Variants in RNF17 observed in about 807,000 individuals in gnomAD.
The protein encoded by RNF17 is ring finger protein 17.
A neutral mutation model predicts 200.5 loss-of-function variants in RNF17; 31 were observed. The ratio of observed to expected loss-of-function variants is 0.15; its 90% CI spans 0.12 to 0.21. RNF17 has a LOEUF of 0.21. Among genes scored for constraint, RNF17 ranks in the 10% least tolerant of loss-of-function variants. RNF17 has a pLI of 1.00. For missense variants in RNF17, 1,628 were observed against 1,905.1 expected (o/e 0.85, Z 2.71); for synonymous variants, 606 against 637.8 (o/e 0.95, Z 0.75).
intron 25 of RNF17, among the ~76,000 whole-genome samples, chr13:24,855,946 CT>C (rs896440886): frequency 2.2e-4 from 34 of 151,798 alleles, no homozygotes; most frequent in African/African-American, 6.8e-4. Flanking sequence ...TCATTGCTTT[CT>C]GATTCATAGT....
chr13:24,861,485 G>C, intron 27 of RNF17, 98 bp downstream of exon 27: 1 of 878,702 alleles, frequency 1.1e-6, no homozygotes, highest in Non-Finnish European at 1.6e-6. Context: ...AATTTCAGTT[G>C]CAACAAAAAA....
chr13:24,871,398 C>T (rs751808348), intron 32 of RNF17, among the ~76,000 whole-genome samples: 1 of 151,748 alleles, frequency 6.6e-6, no homozygotes, highest in African/African-American at 2.4e-5. Context: ...AGTGCAGTGA[C>T]GTGATCTCGG....
At chr13:24,837,899 T>C (rs1179052601) in intron 18 of RNF17, among the ~76,000 whole-genome samples, 1 of 152,126 alleles carries the variant, frequency 6.6e-6, no homozygotes, top group African/African-American at 2.4e-5. Context: ...AAAAAGCTGG[T>C]TCTTTGAAAA....
intron 13 of RNF17, 91 bp from the exon 14 acceptor site, chr13:24,802,290 C>A: frequency 1.7e-6 from 2 of 1,151,222 alleles, no homozygotes; most frequent in African/African-American, 1.6e-5. Context: ...TTCGCAGTTG[C>A]GTCTGTGGTT....
chr13:24,861,182 C>A (rs1893063115), intron 26 of RNF17, 86 bp from the exon 27 acceptor site: 2 of 1,201,578 alleles, frequency 1.7e-6, no homozygotes, highest in East Asian at 5.6e-5. Flanking sequence ...CCCGGCCTGT[C>A]TTTTTTTCTA....
Position 24,874,250 on chromosome 13 carries a change from G to C in RNF17, c.4583+1G>C. On this transcript the variant is annotated splice_donor_variant, in intron 33 of 35. Coordinates refer to ENST00000255324, the MANE Select transcript of RNF17 (RefSeq NM_031277.3). LOFTEE classifies it high-confidence loss of function. ...CAACTGCAAAGCTGACATTAAACAG[G>C]TTAAAAATAAATGTCGGGGTGTTGA... The C allele has an allele frequency of 6.4e-7, 1 of 1,566,190 alleles. No individual in the cohort carries two copies. Among genetic ancestry groups the C allele is most frequent in the Non-Finnish European group, 8.6e-7 (1 of 1,161,754 alleles).
At chr13:24,798,489 T>C (rs2137704781) in intron 11 of RNF17, among the ~76,000 whole-genome samples, 1 of 152,270 alleles carries the variant, frequency 6.6e-6, no homozygotes. Flanking sequence ...ACAGAGGAGA[T>C]TACACAGCAT....
Position 24,825,770 on chromosome 13 carries a change from T to C in RNF17, c.2243T>C (p.Ile748Thr), listed in dbSNP as rs1888557199. ...GGAATTTGGTACCGAGCAAAAGTTA[T>C]CGGTAGGAGAATGCATGCTGTTTCT... ...EDGIWYRAKV[I>T]GLPGHQEVEV... The change falls in exon 16 of 36, where the codon ATC (isoleucine) becomes ACC (threonine). Residue 748 changes from isoleucine (I) to threonine (T), a missense_variant and splice_region_variant. Coordinates refer to ENST00000255324, the MANE Select transcript of RNF17 (RefSeq NM_031277.3). 4 of 1,612,038 alleles carry C rather than the reference T, an allele frequency of 2.5e-6. No individual in the cohort carries two copies. The highest frequency in any genetic ancestry group is 1.1e-5 in the South Asian group (1 of 90,688).
chr13:24,799,705 A>AT (rs1885011782), intron 12 of RNF17, 121 bp downstream of exon 12: 1 of 631,994 alleles, frequency 1.6e-6, no homozygotes, highest in Non-Finnish European at 2.7e-6. Context: ...AACTTCCAAG[A>AT]CATACGTTTT....
intron 25 of RNF17, 129 bp downstream of exon 25, chr13:24,854,273 G>T: frequency 1.5e-6 from 1 of 651,610 alleles, no homozygotes; most frequent in East Asian, 2.7e-5. Context: ...TTCACACAAT[G>T]CATGCAAAGT....
chr13:24,751,951 C>G, the RNF17 span: 2 of 152,236 alleles, frequency 1.3e-5, no homozygotes, highest in African/African-American at 4.8e-5. Flanking sequence ...GGCGTGAAGG[C>G]TGTTCCTCTC....
chr13:24,795,585 C>T (rs769210065), intron 10 of RNF17, among the ~76,000 whole-genome samples: 31 of 152,252 alleles, frequency 2.0e-4, no homozygotes, highest in South Asian at 8.3e-4. Context: ...AAAAAGCACA[C>T]GCATTCCCCT....
At chr13:24,754,747 T>C in the RNF17 span, among the ~76,000 whole-genome samples, 1 of 152,010 alleles carries the variant, frequency 6.6e-6, no homozygotes, top group Non-Finnish European at 1.5e-5. Context: ...TAAAATAAAA[T>C]TAGCCAGGTG....
chr13:24,876,067 A>G (rs1358081782), intron 33 of RNF17, among the ~76,000 whole-genome samples: 3 of 152,248 alleles, frequency 2.0e-5, no homozygotes, highest in East Asian at 3.9e-4. Context: ...TAATCTTACA[A>G]AGTATTTAAA....
downstream of RNF17, chr13:24,884,512 G>A (rs1530876): frequency 0.82 from 1,307,932 of 1,600,280 alleles, 536,937 homozygotes; most frequent in East Asian, 0.86. Flanking sequence ...CCTGACGAAA[G>A]TATGGCTAAT....
intron 2 of RNF17, among the ~76,000 whole-genome samples, chr13:24,772,736 G>A (rs902153479): frequency 1.3e-5 from 2 of 151,536 alleles, no homozygotes; most frequent in African/African-American, 4.9e-5. Flanking sequence ...TCAGCCTCTC[G>A]AGCAGCTGGG....
At chr13:24,883,550 T>C (rs1373383185), downstream of RNF17, among the ~76,000 whole-genome samples, 1 of 152,220 alleles carries the variant, frequency 6.6e-6, no homozygotes, top group East Asian at 1.9e-4. Context: ...GTTCCAATTA[T>C]CAGATTAGCA....
intron 6 of RNF17, among the ~76,000 whole-genome samples, chr13:24,783,204 A>G (rs1882666539): frequency 6.6e-6 from 1 of 152,130 alleles, no homozygotes; most frequent in Non-Finnish European, 1.5e-5. Context: ...AGCTCACCAT[A>G]TATGTGAAGG....
chr13:24,772,246 C>T (rs1880843234), intron 2 of RNF17, among the ~76,000 whole-genome samples: 1 of 152,034 alleles, frequency 6.6e-6, no homozygotes, highest in Admixed American at 6.6e-5. Context: ...TTAATTATTA[C>T]AGTAGTGTTA....
Sources: allele counts gnomAD v4.1 joint callset (sites outside exome capture counted in the v4.1 genomes callset), GRCh38; gene constraint gnomAD v4.1.1; transcripts MANE v1.5; gene names NCBI Gene and HGNC (gene_info 2026-07-23, HGNC 2026-07-21).